The following NEK10 variants were observed in gnomAD, a reference collection of about 807,000 sequenced individuals.
NEK10 encodes the protein NIMA related kinase 10.
NEK10 carries 122 observed loss-of-function variants against 159.8 expected under a neutral mutation model. That is an observed-to-expected ratio of 0.76 (90% CI 0.66 to 0.89). NEK10 has a LOEUF of 0.89. Among genes scored for constraint, NEK10 ranks in the 40% least tolerant of loss-of-function variants. The pLI, the probability that NEK10 is intolerant of heterozygous loss-of-function variation, is 0.00. For missense variants in NEK10, 1,342 were observed against 1,323.1 expected (o/e 1.01, Z -0.22); for synonymous variants, 466 against 457.1 (o/e 1.02, Z -0.25).
chr3:27,223,859 A>G (rs1952367104), intron 23 of NEK10, among the ~76,000 whole-genome samples: 1 of 152,206 alleles, frequency 6.6e-6, no homozygotes, highest in African/African-American at 2.4e-5. Context: ...TTCAAACTCA[A>G]CATACTCAAA....
chr3:27,197,174 TA>T (rs1362414864), intron 25 of NEK10, among the ~76,000 whole-genome samples: 1 of 152,066 alleles, frequency 6.6e-6, no homozygotes, highest in Non-Finnish European at 1.5e-5. Context: ...TTTTTATTTT[TA>T]TTTAAAAAAA....
At chr3:27,156,019 CA>C (rs1179580242) in intron 30 of NEK10, among the ~76,000 whole-genome samples, 1 of 151,992 alleles carries the variant, frequency 6.6e-6, no homozygotes, top group Non-Finnish European at 1.5e-5. Flanking sequence ...ACAAAGCAAA[CA>C]AAAACATAAA....
intron 26 of NEK10, among the ~76,000 whole-genome samples, chr3:27,191,236 G>A (rs920693796): frequency 6.6e-6 from 1 of 151,876 alleles, no homozygotes; most frequent in African/African-American, 2.4e-5. Context: ...GGAATTTAAT[G>A]ACCAGGTACC....
At chr3:27,213,205 C>A (rs1559622064) in intron 23 of NEK10, among the ~76,000 whole-genome samples, 1 of 152,126 alleles carries the variant, frequency 6.6e-6, no homozygotes, top group East Asian at 1.9e-4. Flanking sequence ...TCTTTCCTTG[C>A]TTTGTGCGTT....
intron 23 of NEK10, among the ~76,000 whole-genome samples, chr3:27,208,096 A>G (rs1204327624): frequency 6.6e-6 from 1 of 152,100 alleles, no homozygotes; most frequent in African/African-American, 2.4e-5. Context: ...ATGTCCATGG[A>G]TATTTATGGT....
chr3:27,211,648 G>T (rs1264834215), intron 23 of NEK10, among the ~76,000 whole-genome samples: 1 of 152,014 alleles, frequency 6.6e-6, no homozygotes, highest in Non-Finnish European at 1.5e-5. Flanking sequence ...CCTGATCTTT[G>T]CCCCTAGTTC....
intron 13 of NEK10, among the ~76,000 whole-genome samples, chr3:27,300,165 G>C (rs963655353): frequency 2.0e-5 from 3 of 152,178 alleles, no homozygotes; most frequent in Non-Finnish European, 4.4e-5. Context: ...CATGTGTCAT[G>C]GGAGGAACCC....
chr3:27,250,949 A>G, intron 23 of NEK10, among the ~76,000 whole-genome samples: 1 of 152,304 alleles, frequency 6.6e-6, no homozygotes, highest in East Asian at 1.9e-4. Flanking sequence ...TATGCAGAAT[A>G]TAATATATAC....
chr3:27,318,416 C>T (rs927179713), intron 6 of NEK10, among the ~76,000 whole-genome samples: 2 of 152,072 alleles, frequency 1.3e-5, no homozygotes, highest in South Asian at 2.1e-4. Flanking sequence ...GTCTCAAACC[C>T]CTTTACACTC....
chr3:27,352,811 C>A lies in NEK10; in HGVS notation c.71+1G>T. 2 of 1,599,022 alleles carry A rather than the reference C, an allele frequency of 1.3e-6. No individual in the cohort carries two copies. Among genetic ancestry groups the A allele is most frequent in the Non-Finnish European group, 1.7e-6 (2 of 1,166,622 alleles). On this transcript the variant is annotated splice_donor_variant, in intron 2 of 35. Transcript: ENST00000691995. LOFTEE classifies it high-confidence loss of function. ...TTAGCAAACACTCAGTAGGGAGTTA[C>A]CTGATGGTGATTTCTTGCTGTTTAT...
chr3:27,256,714 C>A (rs1490477535), intron 22 of NEK10, among the ~76,000 whole-genome samples: 1 of 152,026 alleles, frequency 6.6e-6, no homozygotes, highest in Non-Finnish European at 1.5e-5. Flanking sequence ...AAATAAATAC[C>A]ATGAAGGCCT....
intron 1 of NEK10, among the ~76,000 whole-genome samples, chr3:27,355,239 C>T (rs2048251275): frequency 1.3e-5 from 2 of 151,956 alleles, no homozygotes; most frequent in Non-Finnish European, 2.9e-5. Context: ...AGTCCTTGGT[C>T]CTCCTCCCTT....
chr3:27,121,640 C>T (rs777186111), intron 32 of NEK10, among the ~76,000 whole-genome samples: 3 of 152,168 alleles, frequency 2.0e-5, no homozygotes, highest in Non-Finnish European at 4.4e-5. Flanking sequence ...TGAGGCTTCC[C>T]CAGCCACGTG....
chr3:27,197,801 T>C (rs1253096309), intron 25 of NEK10, among the ~76,000 whole-genome samples: 2 of 152,124 alleles, frequency 1.3e-5, no homozygotes, highest in Non-Finnish European at 2.9e-5. Context: ...TCTTTCTTTT[T>C]TTTTTTTTAT....
intron 13 of NEK10, 25 bp downstream of exon 13, chr3:27,301,671 A>T (rs970586511): frequency 6.9e-7 from 1 of 1,441,912 alleles, no homozygotes; most frequent in African/African-American, 1.4e-5. Flanking sequence ...AAATTATAGC[A>T]TATCAAATAA....
At chr3:27,364,487 C>A (rs1025218897) in intron 1 of NEK10, among the ~76,000 whole-genome samples, 2 of 151,866 alleles carry the variant, frequency 1.3e-5, no homozygotes, top group African/African-American at 4.8e-5. Context: ...CTTGGCCTCC[C>A]GAAGTGCTGG....
chr3:27,324,536 C>T (rs2045880495), intron 5 of NEK10, among the ~76,000 whole-genome samples: 3 of 152,172 alleles, frequency 2.0e-5, no homozygotes, highest in African/African-American at 4.8e-5. Flanking sequence ...CTCAGCAAAT[C>T]CTGTCTGCTC....
chr3:27,323,607 A>G (rs943250757), intron 5 of NEK10, among the ~76,000 whole-genome samples: 1 of 152,000 alleles, frequency 6.6e-6, no homozygotes, highest in African/African-American at 2.4e-5. Context: ...GAGGGGGGAA[A>G]AAAAAACCTG....
chr3:27,156,176 T>C (rs1945397125), intron 30 of NEK10, among the ~76,000 whole-genome samples: 1 of 152,044 alleles, frequency 6.6e-6, no homozygotes, highest in South Asian at 2.1e-4. Flanking sequence ...CCTGGAACTA[T>C]AAAAATTCTA....
Sources: allele counts gnomAD v4.1 joint callset (sites outside exome capture counted in the v4.1 genomes callset), GRCh38; gene constraint gnomAD v4.1.1; transcripts MANE v1.5; gene names NCBI Gene and HGNC (gene_info 2026-07-23, HGNC 2026-07-21).